Variants in CSMD3 observed in about 807,000 individuals in gnomAD.
CSMD3 encodes CUB and Sushi multiple domains 3.
A neutral mutation model predicts 435.2 loss-of-function variants in CSMD3; 177 were observed. The observed-to-expected ratio is 0.41, with a 90% CI of 0.36 to 0.46. The LOEUF (loss-of-function observed/expected upper bound fraction) is 0.46, where lower values mean the gene tolerates loss of function less well. Ranked by LOEUF, CSMD3 falls within the 20% of genes least tolerant of loss-of-function variation. CSMD3 has a pLI of 0.34. For missense variants in CSMD3, 4,265 were observed against 4,504.6 expected (o/e 0.95, Z 1.52); for synonymous variants, 1,656 against 1,520.5 (o/e 1.09, Z -2.07).
At chr8:113,014,888 T>C (rs760417643) in intron 6 of CSMD3, among the ~76,000 whole-genome samples, 3 of 152,166 alleles carry the variant, frequency 2.0e-5, no homozygotes, top group Non-Finnish European at 4.4e-5. Flanking sequence ...GAAGTCTTAA[T>C]ACCTTTTAAT....
chr8:112,582,374 A>G (rs1830396174), intron 23 of CSMD3, among the ~76,000 whole-genome samples: 1 of 151,870 alleles, frequency 6.6e-6, no homozygotes, highest in South Asian at 2.1e-4. Context: ...TTCCTTATAT[A>G]TTATACAGCT....
intron 31 of CSMD3, among the ~76,000 whole-genome samples, chr8:112,490,332 G>C (rs982931326): frequency 2.6e-5 from 4 of 152,090 alleles, no homozygotes; most frequent in Non-Finnish European, 5.9e-5. Flanking sequence ...ATTGTCTGTA[G>C]ATATGAACTA....
intron 3 of CSMD3, among the ~76,000 whole-genome samples, chr8:113,225,385 T>C (rs1271373253): frequency 6.6e-6 from 1 of 151,552 alleles, no homozygotes; most frequent in Non-Finnish European, 1.5e-5. Context: ...TCCTTTCTAC[T>C]AGTCAGATGT....
intron 4 of CSMD3, among the ~76,000 whole-genome samples, chr8:113,129,347 T>G (rs1444085329): frequency 6.6e-6 from 1 of 151,982 alleles, no homozygotes; most frequent in Non-Finnish European, 1.5e-5. Flanking sequence ...AGCTTAGAGA[T>G]TTAGGGAAAC....
intron 9 of CSMD3, among the ~76,000 whole-genome samples, chr8:112,935,245 C>T (rs2083244838): frequency 6.6e-6 from 1 of 151,962 alleles, no homozygotes; most frequent in Admixed American, 6.6e-5. Context: ...TATTCTGTTC[C>T]ATTGGTCTCT....
chr8:112,719,117 A>G (rs1587068528), intron 13 of CSMD3, among the ~76,000 whole-genome samples: 2 of 152,306 alleles, frequency 1.3e-5, no homozygotes, highest in South Asian at 4.1e-4. Context: ...TAGACAAAAC[A>G]TAAGTAAATG....
intron 11 of CSMD3, among the ~76,000 whole-genome samples, chr8:112,853,639 C>T (rs186891991): frequency 6.6e-6 from 1 of 152,206 alleles, no homozygotes; most frequent in Non-Finnish European, 1.5e-5. Flanking sequence ...ACTTTCACCT[C>T]TATCCTTTTA....
chr8:113,118,959 C>A (rs2090912429), intron 4 of CSMD3, among the ~76,000 whole-genome samples: 1 of 151,944 alleles, frequency 6.6e-6, no homozygotes, highest in Non-Finnish European at 1.5e-5. Flanking sequence ...TTTTCTGCTA[C>A]AAAATAAGAG....
rs779938655 is a variant in CSMD3 at position 112,231,524 on chromosome 8, A to C, written c.10828+21T>G. On this transcript the variant is annotated intron_variant, in intron 69 of 70. Transcript: ENST00000297405. ...CTGGGATAATAACAGAAGTTCGTGA[A>C]AATCAAAATGAATACATTACCCAGT... is the stretch of plus-strand genomic sequence containing the variant. 4.8e-6 allele frequency: 7 copies of C among 1,450,726 alleles called. No homozygotes were observed. In the East Asian group the frequency reaches 1.4e-4, roughly 28 times the overall value. 89.9% of individuals were successfully genotyped at this position (1,450,726 alleles called of 1,614,324 possible). A position where few individuals can be genotyped will look rare whatever the true frequency, so the allele number is the denominator to read the frequency against.
At chr8:113,226,623 G>T (rs1189685375) in intron 3 of CSMD3, among the ~76,000 whole-genome samples, 1 of 151,546 alleles carries the variant, frequency 6.6e-6, no homozygotes, top group East Asian at 1.9e-4. Context: ...CTGGTTGTTA[G>T]AAACGATGAA....
At chr8:112,288,394 T>C (rs1311159542) in intron 57 of CSMD3, among the ~76,000 whole-genome samples, 1 of 152,058 alleles carries the variant, frequency 6.6e-6, no homozygotes, top group East Asian at 1.9e-4. Flanking sequence ...ACATTAAAAA[T>C]GATAGTTTTT....
intron 5 of CSMD3, among the ~76,000 whole-genome samples, chr8:113,075,791 T>G (rs1273722281): frequency 2.0e-5 from 3 of 151,488 alleles, no homozygotes; most frequent in African/African-American, 7.3e-5. Context: ...AAGCAAATAA[T>G]AGATGAAAAA....
chr8:112,647,360 G>GGC lies in CSMD3; in HGVS notation c.3194-2137_3194-2136dup, dbSNP rs578113818. 2.5e-3 allele frequency among the ~76,000 whole-genome samples: 372 copies of GGC among 148,736 alleles called. 1 individual carries two copies. Among genetic ancestry groups the GGC allele is most frequent in the African/African-American group, 8.9e-3 (358 of 40,260 alleles). On this transcript the variant is annotated intron_variant, in intron 19 of 70. Transcript: ENST00000297405. ...TTGTCCCCCAGGGCTGGAGTGCAGT[G>GGC]GCGCTATCTCGGCTCCCTGAAAGCT...
chr8:112,907,865 T>C (rs927551571), intron 10 of CSMD3, among the ~76,000 whole-genome samples: 1 of 151,426 alleles, frequency 6.6e-6, no homozygotes, highest in Non-Finnish European at 1.5e-5. Context: ...ACTAGTGATA[T>C]GTAAATCAAA....
At chr8:113,384,975 A>G (rs1421704906) in intron 1 of CSMD3, among the ~76,000 whole-genome samples, 1 of 152,148 alleles carries the variant, frequency 6.6e-6, no homozygotes, top group Non-Finnish European at 1.5e-5. Flanking sequence ...GAATAGCTTA[A>G]TAACCAGAAT....
At position 112,902,578 on chromosome 8, in the gene CSMD3, C is replaced by A. The variant is rs2082135734; in HGVS notation, c.1633+19049G>T. Among the ~76,000 whole-genome samples the A allele has an allele frequency of 2.0e-5, 3 of 151,198 alleles. No individual in the cohort carries two copies. The Admixed American group carries it at 2.0e-4, about 10-fold the overall frequency. ...TACCCAATGGTCTGCTGTGGCTGTT[C>A]AAGCTCAGCGTTAGTCATGTTAAAA... is the stretch of plus-strand genomic sequence containing the variant. On this transcript the variant is annotated intron_variant, in intron 10 of 70. Coordinates refer to ENST00000297405, the MANE Select transcript of CSMD3 (RefSeq NM_198123.2).
At chr8:113,314,911 A>T (rs2093897709) in intron 1 of CSMD3, 118 bp from the exon 2 acceptor site, 2 of 687,446 alleles carry the variant, frequency 2.9e-6, no homozygotes, top group Non-Finnish European at 5.0e-6. Flanking sequence ...ATAATTTTAT[A>T]AATGGCAGTT....
At chr8:112,483,696 G>A (rs1463935486) in intron 31 of CSMD3, among the ~76,000 whole-genome samples, 2 of 152,058 alleles carry the variant, frequency 1.3e-5, no homozygotes, top group African/African-American at 2.4e-5. Context: ...TGAGGCTTTT[G>A]TAAGGCCTTA....
chr8:112,268,193 G>GATTA (rs1467533392), intron 59 of CSMD3, among the ~76,000 whole-genome samples: 2 of 152,052 alleles, frequency 1.3e-5, no homozygotes, highest in African/African-American at 4.8e-5. Context: ...CATCATAAGA[G>GATTA]ATTAAATATT....
Sources: allele counts gnomAD v4.1 joint callset (sites outside exome capture counted in the v4.1 genomes callset), GRCh38; gene constraint gnomAD v4.1.1; transcripts MANE v1.5; gene names NCBI Gene and HGNC (gene_info 2026-07-23, HGNC 2026-07-21).